The following BRAF variants were observed in gnomAD, a reference collection of about 807,000 sequenced individuals.
BRAF encodes B-Raf proto-oncogene, serine/threonine kinase.
Under a neutral mutation model 104.6 loss-of-function variants are expected in BRAF, and 16 were observed. The observed-to-expected ratio is 0.15, with a 90% confidence interval of 0.10 to 0.23. The LOEUF is 0.23. Ranked by LOEUF, BRAF falls within the 10% of genes least tolerant of loss-of-function variation. The probability of loss-of-function intolerance (pLI) is 1.00; values close to 1 mark genes in which losing one functional copy is unlikely to be tolerated. For missense variants in BRAF, 541 were observed against 937.3 expected, an observed-to-expected ratio of 0.58 and a Z score of 5.52; for synonymous variants, 310 against 341.6, an observed-to-expected ratio of 0.91 and a Z score of 1.02.
intron 10 of BRAF, among the ~76,000 whole-genome samples, chr7:140,784,087 T>C (rs796298887): frequency 5.3e-5 from 8 of 152,160 alleles, no homozygotes; most frequent in African/African-American, 1.9e-4. Context: ...AACTCAGATG[T>C]CCAGGCAATA....
chr7:140,746,699 C>T (rs1056487516), intron 17 of BRAF, among the ~76,000 whole-genome samples: 4 of 151,744 alleles, frequency 2.6e-5, no homozygotes, highest in African/African-American at 9.7e-5. Flanking sequence ...GGGTGTAGTG[C>T]TGCGTGCCTG....
At chr7:140,881,496 C>T (rs1812916605) in intron 1 of BRAF, among the ~76,000 whole-genome samples, 1 of 152,138 alleles carries the variant, frequency 6.6e-6, no homozygotes, top group Admixed American at 6.5e-5. Flanking sequence ...CTCAAGTGAT[C>T]CTCCCACCTT....
chr7:140,754,961 T>C (rs1207240697), intron 14 of BRAF, among the ~76,000 whole-genome samples: 1 of 152,188 alleles, frequency 6.6e-6, no homozygotes. Flanking sequence ...AAATCATCTA[T>C]GTTACCCCTA....
chr7:140,899,561 T>C (rs1210199760), intron 1 of BRAF, among the ~76,000 whole-genome samples: 4 of 152,144 alleles, frequency 2.6e-5, no homozygotes, highest in Admixed American at 6.5e-5. Context: ...TGGTCTCTCA[T>C]TGTGGTTTTA....
At chr7:140,776,640 G>T (rs1800363009) in intron 14 of BRAF, among the ~76,000 whole-genome samples, 1 of 152,134 alleles carries the variant, frequency 6.6e-6, no homozygotes, top group Non-Finnish European at 1.5e-5. Flanking sequence ...TCTATCTTCT[G>T]AACCTCTCTT....
intron 3 of BRAF, among the ~76,000 whole-genome samples, chr7:140,812,239 A>G (rs1229675698): frequency 6.6e-6 from 1 of 151,558 alleles, no homozygotes; most frequent in Admixed American, 6.6e-5. Flanking sequence ...GAATCTAATG[A>G]AAGCCTCAAA....
intron 3 of BRAF, among the ~76,000 whole-genome samples, chr7:140,820,821 C>T (rs1334232595): frequency 1.3e-5 from 2 of 152,126 alleles, no homozygotes; most frequent in Non-Finnish European, 2.9e-5. Flanking sequence ...GTGGTCTCAG[C>T]TACTTGGAGG....
At chr7:140,768,629 G>A (rs1474285592) in intron 14 of BRAF, among the ~76,000 whole-genome samples, 1 of 151,930 alleles carries the variant, frequency 6.6e-6, no homozygotes, top group East Asian at 1.9e-4. Flanking sequence ...GAGTATCTGG[G>A]GCTACAGGAG....
chr7:140,752,697 C>T (rs1797886322), intron 16 of BRAF, among the ~76,000 whole-genome samples: 1 of 152,132 alleles, frequency 6.6e-6, no homozygotes, highest in South Asian at 2.1e-4. Context: ...CTTTCCTCTT[C>T]CAGCTGCCCC....
chr7:140,779,273 C>T (rs954160062), intron 12 of BRAF, among the ~76,000 whole-genome samples: 1 of 152,046 alleles, frequency 6.6e-6, no homozygotes, highest in Non-Finnish European at 1.5e-5. Context: ...TGCTCTGTCA[C>T]CTAGGCTGGA....
At chr7:140,902,663 C>T (rs1815790000) in intron 1 of BRAF, among the ~76,000 whole-genome samples, 4 of 152,330 alleles carry the variant, frequency 2.6e-5, no homozygotes, top group South Asian at 2.1e-4. Context: ...CCGGGCACTA[C>T]GGCTCATGCC....
At position 140,826,142 on chromosome 7, in the gene BRAF, C is replaced by T. The variant is rs1048919845; in HGVS notation, c.504+8467G>A. Among the ~76,000 whole-genome samples, 7 of 152,224 alleles carry T rather than the reference C, an allele frequency of 4.6e-5. No homozygotes were observed. The South Asian group carries it at 1.5e-3, about 32-fold the overall frequency. Reference sequence around the variant, plus strand: ...GGGTTTAATCTAGCTTTACCTTATTCACTGAGTTTTTTAAATAAATATTTG... The same window carrying T: ...GGGTTTAATCTAGCTTTACCTTATTTACTGAGTTTTTTAAATAAATATTTG... On this transcript the variant is annotated intron_variant, in intron 3 of 19. Transcript: ENST00000644969.
intron 14 of BRAF, among the ~76,000 whole-genome samples, chr7:140,763,058 T>C (rs1798914755): frequency 6.6e-6 from 1 of 152,256 alleles, no homozygotes; most frequent in African/African-American, 2.4e-5. Flanking sequence ...TTCCCCGCTT[T>C]TCCCCTCCTT....
At chr7:140,919,983 C>T (rs903991292) in intron 1 of BRAF, among the ~76,000 whole-genome samples, 1 of 152,150 alleles carries the variant, frequency 6.6e-6, no homozygotes, top group African/African-American at 2.4e-5. Context: ...GCTGGGACTA[C>T]AGGTGTGAGC....
chr7:140,905,940 T>G (rs1360915706), intron 1 of BRAF, among the ~76,000 whole-genome samples: 1 of 148,624 alleles, frequency 6.7e-6, no homozygotes, highest in Non-Finnish European at 1.5e-5. Context: ...TACAAAAAAT[T>G]AGCCGGGCGT....
chr7:140,723,280 C>G lies in BRAF; in HGVS notation c.*3214G>C. On this transcript the variant is annotated 3_prime_UTR_variant, in exon 20 of 20. Transcript: ENST00000644969. Reference sequence around the variant, plus strand: ...TGCTGTCACCGCACCAAACCAGAAGCTAGGAAATATTTACAAAGTTTCAGG... The same window carrying G: ...TGCTGTCACCGCACCAAACCAGAAGGTAGGAAATATTTACAAAGTTTCAGG... 4 of 1,056,442 alleles carry G rather than the reference C, an allele frequency of 3.8e-6. No individual in the cohort carries two copies. Among genetic ancestry groups the G allele is most frequent in the Non-Finnish European group, 4.6e-6 (4 of 873,832 alleles). 65.4% of individuals were successfully genotyped at this position (1,056,442 alleles called of 1,614,324 possible).
At chr7:140,747,843 C>T (rs1797476865) in intron 17 of BRAF, among the ~76,000 whole-genome samples, 1 of 152,134 alleles carries the variant, frequency 6.6e-6, no homozygotes, top group Admixed American at 6.6e-5. Context: ...ATCACAAGTA[C>T]AGTAAGTACA....
Position 140,824,422 on chromosome 7 carries a change from G to GTCCTGGTA in BRAF, c.504+10179_504+10186dup, listed in dbSNP as rs1179789212. On this transcript the variant is annotated intron_variant, in intron 3 of 19. Coordinates refer to ENST00000644969, the MANE Select transcript of BRAF (RefSeq NM_001374258.1). ...CAGATTCTCTTTACTTCATGGAGTG[G>GTCCTGGTA]TCCTGGTACCCTTGTCAAAGATCAT... 4 of 152,062 alleles carry GTCCTGGTA rather than the reference G, an allele frequency of 2.6e-5. No homozygotes were observed. The East Asian group carries it at 7.7e-4, about 29-fold the overall frequency. 9.4% of individuals were successfully genotyped at this position (152,062 alleles called of 1,614,324 possible).
Position 140,723,268 on chromosome 7 carries a change from C to G in BRAF, c.*3226G>C. 9.5e-7 allele frequency: 1 copy of G among 1,056,634 alleles called. No individual in the cohort carries two copies. The highest frequency in any genetic ancestry group is 1.1e-6 in the Non-Finnish European group (1 of 873,940). 65.5% of individuals were successfully genotyped at this position (1,056,634 alleles called of 1,614,324 possible). A position where few individuals can be genotyped will look rare whatever the true frequency, so the allele number is the denominator to read the frequency against. ...CTGTGATGAAAGTGCTGTCACCGCA[C>G]CAAACCAGAAGCTAGGAAATATTTA... is the stretch of plus-strand genomic sequence containing the variant. On this transcript the variant is annotated 3_prime_UTR_variant, in exon 20 of 20. Coordinates refer to ENST00000644969, the MANE Select transcript of BRAF (RefSeq NM_001374258.1).
Sources: gnomAD v4.1 joint callset for allele counts (sites outside exome capture counted in the v4.1 genomes callset) on GRCh38, gnomAD v4.1.1 for gene constraint, MANE v1.5 for transcripts, NCBI Gene and HGNC (gene_info 2026-07-23, HGNC 2026-07-21) for gene names.